Variants in ZNF704 observed in about 807,000 individuals in gnomAD.
ZNF704 encodes zinc finger protein 704.
Under a neutral mutation model 44.7 loss-of-function variants are expected in ZNF704, and 10 were observed. That is an observed-to-expected ratio of 0.22 (90% CI 0.14 to 0.38). The LOEUF is 0.38. Ranked by LOEUF, ZNF704 falls within the 10% of genes least tolerant of loss-of-function variation. The pLI, the probability that ZNF704 is intolerant of heterozygous loss-of-function variation, is 1.00. For synonymous variants in ZNF704, 211 were observed against 207.6 expected (o/e 1.02, Z -0.14); for missense variants, 390 against 545.5 (o/e 0.71, Z 2.84).
At chr8:80,838,939 G>A (rs1346909672) in intron 1 of ZNF704, among the ~76,000 whole-genome samples, 1 of 152,184 alleles carries the variant, frequency 6.6e-6, no homozygotes, top group Non-Finnish European at 1.5e-5. Context: ...GAGGGCAGGA[G>A]AGTCCTGGGA....
intron 3 of ZNF704, among the ~76,000 whole-genome samples, chr8:80,692,708 G>T (rs1336594298): frequency 6.6e-6 from 1 of 152,094 alleles, no homozygotes; most frequent in Non-Finnish European, 1.5e-5. Flanking sequence ...TCATTTACCT[G>T]GGAAAAAAGG....
At chr8:80,709,441 TCAAAAAA>T (rs1343532378) in intron 2 of ZNF704, among the ~76,000 whole-genome samples, 794 of 33,346 alleles carry the variant, frequency 0.024, 39 homozygotes, top group African/African-American at 0.055. Context: ...AGACTCCATC[TCAAAAAA>T]AAAAAAAAAA....
At chr8:80,763,636 T>A (rs977193229) in intron 2 of ZNF704, among the ~76,000 whole-genome samples, 3 of 152,204 alleles carry the variant, frequency 2.0e-5, no homozygotes, top group African/African-American at 7.2e-5. Context: ...CTCTGACATG[T>A]CCTGGAGACA....
intron 1 of ZNF704, among the ~76,000 whole-genome samples, chr8:80,855,422 T>C (rs965395382): frequency 7.3e-5 from 11 of 150,704 alleles, no homozygotes; most frequent in African/African-American, 2.7e-4. Context: ...ATGTGATACA[T>C]ATACACAGTG....
intron 2 of ZNF704, among the ~76,000 whole-genome samples, chr8:80,719,190 G>T (rs1464945400): frequency 6.6e-6 from 1 of 152,018 alleles, no homozygotes; most frequent in Admixed American, 6.6e-5. Context: ...TGCCCAGGCT[G>T]CTCTCAAACT....
At chr8:80,857,123 AT>A (rs1163389229) in intron 1 of ZNF704, among the ~76,000 whole-genome samples, 1 of 152,080 alleles carries the variant, frequency 6.6e-6, no homozygotes, top group Non-Finnish European at 1.5e-5. Context: ...TTGAAATCTC[AT>A]TTTAGCAGTT....
At chr8:80,667,477 G>A (rs1053944653) in intron 5 of ZNF704, among the ~76,000 whole-genome samples, 3 of 152,202 alleles carry the variant, frequency 2.0e-5, no homozygotes, top group Admixed American at 6.5e-5. Context: ...AAGGTTGGGA[G>A]TTAGGACTTC....
At chr8:80,853,903 G>A (rs186884232) in intron 1 of ZNF704, among the ~76,000 whole-genome samples, 36 of 152,192 alleles carry the variant, frequency 2.4e-4, no homozygotes, top group African/African-American at 8.4e-4. Context: ...CGAGGTTAAC[G>A]GGAGTAAACA....
At chr8:80,832,186 T>C (rs1476939806) in intron 1 of ZNF704, among the ~76,000 whole-genome samples, 1 of 152,164 alleles carries the variant, frequency 6.6e-6, no homozygotes, top group Non-Finnish European at 1.5e-5. Flanking sequence ...AGTGTATATA[T>C]AAATATGATA....
chr8:80,821,747 G>A, intron 1 of ZNF704, 132 bp from the exon 2 acceptor site: 4 of 664,096 alleles, frequency 6.0e-6, no homozygotes, highest in South Asian at 5.6e-5. Context: ...ATTTTAATAA[G>A]AAAAATGCAA....
In ZNF704 at chr8:80,824,240, A is replaced by C. The variant is rs574771803; in HGVS notation, c.-21-2625T>G. ...TGTAAAGAAGACCTTAAATGACCTG[A>C]TGGAGCTGAAAACCATGGCACGAGA... On this transcript the variant is annotated intron_variant, in intron 1 of 8. Coordinates refer to ENST00000327835, the MANE Select transcript of ZNF704 (RefSeq NM_001033723.3). 2.6e-5 allele frequency among the ~76,000 whole-genome samples: 4 copies of C among 152,322 alleles called. No homozygotes were observed. In the East Asian group the frequency reaches 7.7e-4, roughly 29 times the overall value.
intron 2 of ZNF704, among the ~76,000 whole-genome samples, chr8:80,748,201 T>C (rs758983111): frequency 6.6e-6 from 1 of 152,120 alleles, no homozygotes; most frequent in Non-Finnish European, 1.5e-5. Flanking sequence ...GAAATGCCCA[T>C]TCCCAAAATA....
chr8:80,758,095 C>T (rs1031996331), intron 2 of ZNF704, among the ~76,000 whole-genome samples: 2 of 152,154 alleles, frequency 1.3e-5, no homozygotes, highest in Non-Finnish European at 2.9e-5. Context: ...GCCTTTGGAG[C>T]AATTTGTATC....
At chr8:80,822,509 G>C (rs1450470751) in intron 1 of ZNF704, among the ~76,000 whole-genome samples, 1 of 152,300 alleles carries the variant, frequency 6.6e-6, no homozygotes, top group East Asian at 1.9e-4. Context: ...ATAAACATAT[G>C]TGTGCATGTG....
rs1335544893 is a variant in ZNF704, at chr8:80,665,188, T to G, written c.660-106A>C. The G allele has an allele frequency of 3.1e-6, 4 of 1,279,866 alleles. No individual in the cohort carries two copies. The African/African-American group carries it at 5.9e-5, about 19-fold the overall frequency. 79.3% of individuals were successfully genotyped at this position (1,279,866 alleles called of 1,614,324 possible). ...TGTCTGGAATGCTTTTCCTCCCTCT[T>G]GTTTGCCTTGCAAACTCTTCCTTAT... is the stretch of plus-strand genomic sequence containing the variant. On this transcript the variant is annotated intron_variant, in intron 5 of 8. Coordinates refer to ENST00000327835, the MANE Select transcript of ZNF704 (RefSeq NM_001033723.3).
At position 80,673,922 on chromosome 8, in the gene ZNF704, C is replaced by G. The variant is rs140606506; in HGVS notation, c.559-3319G>C. On this transcript the variant is annotated intron_variant, in intron 4 of 8. Transcript: ENST00000327835. Reference sequence around the variant, plus strand: ...GCCCCAGAGGCTCTGCCTGGGTGGCCAGCATTCACAGCACAGCAATCTTGC... The same window carrying G: ...GCCCCAGAGGCTCTGCCTGGGTGGCGAGCATTCACAGCACAGCAATCTTGC... Among the ~76,000 whole-genome samples, 541 of 152,340 alleles carry G rather than the reference C, an allele frequency of 3.6e-3. 2 individuals carry two copies. The highest frequency in any genetic ancestry group is 0.012 in the African/African-American group (508 of 41,580).
chr8:80,830,282 A>C (rs902280324), intron 1 of ZNF704, among the ~76,000 whole-genome samples: 10 of 152,218 alleles, frequency 6.6e-5, no homozygotes, highest in African/African-American at 2.2e-4. Flanking sequence ...GGGATAAGCA[A>C]GGACTGGCAG....
chr8:80,709,577 G>A (rs939351379), intron 2 of ZNF704, among the ~76,000 whole-genome samples: 7 of 151,880 alleles, frequency 4.6e-5, no homozygotes, highest in Admixed American at 6.6e-5. Flanking sequence ...GGATGGTGGA[G>A]TGAGAGCCAG....
chr8:80,773,077 A>G (rs1218455472), intron 2 of ZNF704, among the ~76,000 whole-genome samples: 1 of 151,954 alleles, frequency 6.6e-6, no homozygotes. Context: ...TCTATTATTC[A>G]TTTCTAGATT....
Sources: gnomAD v4.1 joint callset for allele counts (sites outside exome capture counted in the v4.1 genomes callset) on GRCh38, gnomAD v4.1.1 for gene constraint, MANE v1.5 for transcripts, NCBI Gene and HGNC (gene_info 2026-07-23, HGNC 2026-07-21) for gene names.